Variants in RYR2 observed in about 807,000 individuals in gnomAD.
RYR2 encodes cardiac muscle ryanodine receptor-calcium release channel.
Under a neutral mutation model 601.1 loss-of-function variants are expected in RYR2, and 227 were observed. The observed-to-expected ratio is 0.38, with a 90% CI of 0.34 to 0.42. The LOEUF is 0.42. Among genes scored for constraint, RYR2 ranks in the 10% least tolerant of loss-of-function variants. The pLI is 1.00. For missense variants in RYR2, 4,646 were observed against 6,156.5 expected (o/e 0.75, Z 8.21); for synonymous variants, 2,223 against 2,175.1 (o/e 1.02, Z -0.61).
At chr1:237,307,232 T>C (rs757672124) in intron 2 of RYR2, among the ~76,000 whole-genome samples, 12 of 152,230 alleles carry the variant, frequency 7.9e-5, no homozygotes, top group Non-Finnish European at 1.5e-4. Flanking sequence ...CTTTACATCA[T>C]GAGGAAGAAT....
chr1:237,699,744 G>C (rs953882979), intron 64 of RYR2, among the ~76,000 whole-genome samples: 1 of 152,184 alleles, frequency 6.6e-6, no homozygotes, highest in African/African-American at 2.4e-5. Context: ...ACAAATAGTG[G>C]CATTAAGGTA....
intron 4 of RYR2, among the ~76,000 whole-genome samples, chr1:237,363,421 A>T (rs1483460994): frequency 1.3e-5 from 2 of 152,106 alleles, no homozygotes; most frequent in Non-Finnish European, 2.9e-5. Flanking sequence ...TTAATAATAT[A>T]CATATTACTA....
chr1:237,477,349 C>T (rs1016781940), intron 17 of RYR2, among the ~76,000 whole-genome samples: 2 of 152,154 alleles, frequency 1.3e-5, no homozygotes, highest in African/African-American at 4.8e-5. Context: ...CGAGATCACA[C>T]CACTGCATTC....
intron 101 of RYR2, among the ~76,000 whole-genome samples, chr1:237,827,649 A>G (rs78275585): frequency 7.2e-6 from 1 of 138,220 alleles, no homozygotes; most frequent in African/African-American, 2.7e-5. Flanking sequence ...AAAAAAAAAA[A>G]ATGACTTGAC....
chr1:237,530,539 T>C, intron 25 of RYR2, 29 bp downstream of exon 25: 1 of 1,486,082 alleles, frequency 6.7e-7, no homozygotes, highest in African/African-American at 1.4e-5. Context: ...CAATATTAAA[T>C]AATCTGTGTA....
Position 237,707,106 on chromosome 1 carries a change from G to A in RYR2, c.9738G>A (p.Met3246Ile), listed in dbSNP as rs771846177. 3.7e-6 allele frequency: 6 copies of A among 1,613,954 alleles called. No individual in the cohort carries two copies. The East Asian group carries it at 1.3e-4, about 36-fold the overall frequency. ...EVILPMLCSY[M>I]SRWWEHGPEN... ...TACTGCCCATGCTTTGCAGCTACATGTCTCGTTGGTGGGAGCATGGACCTG... is the reference window on the plus strand; with the variant it reads ...TACTGCCCATGCTTTGCAGCTACATATCTCGTTGGTGGGAGCATGGACCTG... The change falls in exon 68 of 105, where the codon ATG becomes ATA. Residue 3246 changes from methionine to isoleucine, a missense_variant. By Grantham distance (10) the Met-to-Ile change is conservative (BLOSUM62 1). Around this residue, in one of 17 missense-constraint regions of RYR2, gnomAD observed 1,497 missense variants for 1,842.6 expected, o/e 0.81. Transcript: ENST00000366574.
intron 1 of RYR2, among the ~76,000 whole-genome samples, chr1:237,107,473 TCG>T (rs1188378348): frequency 1.7e-4 from 20 of 114,640 alleles, no homozygotes; most frequent in South Asian, 6.5e-4. Context: ...TGAGCCGAGA[TCG>T]CACCACTGCA....
chr1:237,049,628 A>C (rs1383634968), intron 1 of RYR2, among the ~76,000 whole-genome samples: 4 of 152,200 alleles, frequency 2.6e-5, no homozygotes, highest in Non-Finnish European at 5.9e-5. Flanking sequence ...GGAAATCCTC[A>C]TCCTGGTGGA....
intron 1 of RYR2, among the ~76,000 whole-genome samples, chr1:237,137,646 TGCGACGTG>T (rs1222458669): frequency 2.6e-5 from 4 of 152,256 alleles, no homozygotes; most frequent in African/African-American, 7.2e-5. Flanking sequence ...AGATAAGATG[TGCGACGTG>T]GCATCCATTT....
chr1:237,238,324 C>T (rs1685804062), intron 1 of RYR2, among the ~76,000 whole-genome samples: 1 of 152,074 alleles, frequency 6.6e-6, no homozygotes, highest in Non-Finnish European at 1.5e-5. Flanking sequence ...CTGGAAGTCC[C>T]CCTCCCCCAA....
intron 24 of RYR2, among the ~76,000 whole-genome samples, chr1:237,522,350 A>G (rs1411007193): frequency 6.6e-6 from 1 of 152,236 alleles, no homozygotes; most frequent in African/African-American, 2.4e-5. Context: ...AAAGTTTATG[A>G]ATTTGTGTTG....
At chr1:237,565,097 T>C (rs1054454660) in intron 27 of RYR2, among the ~76,000 whole-genome samples, 3 of 140,786 alleles carry the variant, frequency 2.1e-5, no homozygotes, top group Admixed American at 7.0e-5. Context: ...CTTCTTCTCT[T>C]TTCTTTTCTT....
At chr1:237,086,018 G>T (rs934199206) in intron 1 of RYR2, among the ~76,000 whole-genome samples, 2 of 152,232 alleles carry the variant, frequency 1.3e-5, no homozygotes, top group Non-Finnish European at 1.5e-5. Context: ...GCCTCTCAAA[G>T]TGCTGGGATT....
intron 34 of RYR2, among the ~76,000 whole-genome samples, chr1:237,601,119 G>C (rs1676453895): frequency 6.6e-6 from 1 of 152,096 alleles, no homozygotes; most frequent in Non-Finnish European, 1.5e-5. Flanking sequence ...TGTGTGGAAG[G>C]AATATCTGCA....
chr1:237,714,990 TCAAAAAAAAAAAAAA>T lies in RYR2; in HGVS notation c.10324-2207_10324-2193del, dbSNP rs1226719243. On this transcript the variant is annotated intron_variant, in intron 71 of 104. Coordinates refer to ENST00000366574, the MANE Select transcript of RYR2 (RefSeq NM_001035.3). Reference sequence around the variant, plus strand: ...CCTGGTGACAGAGCGAGACTCCATCTCAAAAAAAAAAAAAAAAAAAAAAAAAAAAAAAAGGGCTCA... The same window carrying T: ...CCTGGTGACAGAGCGAGACTCCATCTAAAAAAAAAAAAAAAAAAGGGCTCA... Among the ~76,000 whole-genome samples the T allele has an allele frequency of 1.2e-4, 11 of 89,382 alleles. 1 individual carries two copies. The South Asian group carries it at 2.2e-3, about 18-fold the overall frequency. The allele number at this position is 89,382 out of a possible 152,430, so 58.6% of individuals were successfully genotyped here. A position where few individuals can be genotyped will look rare whatever the true frequency, so the allele number is the denominator to read the frequency against.
At chr1:237,564,506 G>T (rs1374086793) in intron 27 of RYR2, among the ~76,000 whole-genome samples, 2 of 152,084 alleles carry the variant, frequency 1.3e-5, no homozygotes, top group African/African-American at 2.4e-5. Flanking sequence ...CTGACCTCAA[G>T]TGATTTGCCT....
chr1:237,684,989 A>C (rs1686252076), intron 62 of RYR2, among the ~76,000 whole-genome samples: 1 of 152,006 alleles, frequency 6.6e-6, no homozygotes, highest in Admixed American at 6.6e-5. Flanking sequence ...TCACGATTTA[A>C]GTAATAAACA....
Position 237,072,050 on chromosome 1 carries a change from G to T in RYR2, c.48+29481G>T, listed in dbSNP as rs576614564. Among the ~76,000 whole-genome samples the T allele has an allele frequency of 8.3e-3, 1,266 of 152,332 alleles. 17 individuals are homozygous for T. The highest frequency in any genetic ancestry group is 0.028 in the African/African-American group (1,182 of 41,574). On this transcript the variant is annotated intron_variant, in intron 1 of 104. Transcript: ENST00000366574. ...TCTGACCCTGCTGGGGGAAGAGGGT[G>T]TCCTGGGCCCCCAAGAGCACATGGA... is the stretch of plus-strand genomic sequence containing the variant.
chr1:237,196,629 C>G (rs1041075318), intron 1 of RYR2, among the ~76,000 whole-genome samples: 1 of 152,102 alleles, frequency 6.6e-6, no homozygotes, highest in Non-Finnish European at 1.5e-5. Context: ...TTATGGATCT[C>G]ATTTGATCTT....
Sources: allele counts gnomAD v4.1 joint callset (sites outside exome capture counted in the v4.1 genomes callset), GRCh38; gene constraint gnomAD v4.1.1; regional missense constraint gnomAD v4.1.1; transcripts MANE v1.5; gene names NCBI Gene and HGNC (gene_info 2026-07-23, HGNC 2026-07-21).